The following ITPKB variants were observed in gnomAD, a reference collection of about 807,000 sequenced individuals.
ITPKB encodes IP3 3-kinase B.
ITPKB carries 13 observed loss-of-function variants against 69.4 expected under a neutral mutation model. The observed-to-expected ratio is 0.19, with a 90% CI of 0.12 to 0.30. ITPKB has a LOEUF of 0.30. Ranked by LOEUF, ITPKB falls within the 10% of genes least tolerant of loss-of-function variation. ITPKB has a pLI of 1.00. For synonymous variants in ITPKB, 584 were observed against 513.7 expected, an observed-to-expected ratio of 1.14 and a Z score of -1.85; for missense variants, 1,240 against 1,250.5, an observed-to-expected ratio of 0.99 and a Z score of 0.13.
chr1:226,713,506 C>T (rs879191644), intron 2 of ITPKB, among the ~76,000 whole-genome samples: 3 of 152,236 alleles, frequency 2.0e-5, no homozygotes, highest in East Asian at 1.9e-4. Context: ...AGATCCACTA[C>T]GGCCAGGCAC....
intron 2 of ITPKB, among the ~76,000 whole-genome samples, chr1:226,700,879 C>T (rs1441375189): frequency 1.3e-5 from 2 of 152,210 alleles, no homozygotes; most frequent in African/African-American, 4.8e-5. Flanking sequence ...AAATTCACCA[C>T]CTTGTCAAGG....
chr1:226,640,337 A>G (rs1288934), intron 5 of ITPKB, among the ~76,000 whole-genome samples: 53,911 of 152,038 alleles, frequency 0.35, 11,147 homozygotes, highest in African/African-American at 0.58. Flanking sequence ...GGAATGCTCC[A>G]CCAGGAGTCC....
chr1:226,732,970 C>T (rs1657636364), intron 2 of ITPKB, among the ~76,000 whole-genome samples: 1 of 152,194 alleles, frequency 6.6e-6, no homozygotes, highest in African/African-American at 2.4e-5. Flanking sequence ...GAAAGCGCCA[C>T]AGGAGGCCCG....
At chr1:226,723,828 G>A (rs757377578) in intron 2 of ITPKB, among the ~76,000 whole-genome samples, 5 of 152,016 alleles carry the variant, frequency 3.3e-5, no homozygotes, top group Non-Finnish European at 7.4e-5. Context: ...CTGAATACAG[G>A]GGATTGTTTT....
intron 2 of ITPKB, among the ~76,000 whole-genome samples, chr1:226,677,626 C>G (rs980735582): frequency 3.3e-5 from 5 of 152,224 alleles, no homozygotes; most frequent in Non-Finnish European, 5.9e-5. Flanking sequence ...CTGCCGGATA[C>G]CACTGGACTC....
chr1:226,696,633 G>C lies in ITPKB; in HGVS notation c.1932+38894C>G, dbSNP rs538743304. ...GGGTCCCCTTGGAGACCAAGCAACC[G>C]CTAAGATGGCTGGCTTTCTCCATAG... is the stretch of plus-strand genomic sequence containing the variant. On this transcript the variant is annotated intron_variant, in intron 2 of 7. Transcript: ENST00000429204. Among the ~76,000 whole-genome samples the C allele has an allele frequency of 3.3e-5, 5 of 152,158 alleles. No individual in the cohort carries two copies. The East Asian group carries it at 9.6e-4, about 29-fold the overall frequency.
At chr1:226,708,589 A>ATTTCCTG (rs943781493) in intron 2 of ITPKB, among the ~76,000 whole-genome samples, 3 of 152,196 alleles carry the variant, frequency 2.0e-5, no homozygotes, top group Non-Finnish European at 4.4e-5. Flanking sequence ...GGATATTATC[A>ATTTCCTG]TTTCCACACA....
At chr1:226,700,880 C>T (rs1656620877) in intron 2 of ITPKB, among the ~76,000 whole-genome samples, 1 of 152,220 alleles carries the variant, frequency 6.6e-6, no homozygotes, top group Non-Finnish European at 1.5e-5. Context: ...AATTCACCAC[C>T]TTGTCAAGGC....
intron 2 of ITPKB, among the ~76,000 whole-genome samples, chr1:226,684,054 T>C (rs1392931931): frequency 1.3e-5 from 2 of 152,058 alleles, no homozygotes; most frequent in African/African-American, 4.8e-5. Context: ...AAATTTCCAA[T>C]CCAAAGAGTA....
chr1:226,715,354 C>T lies in ITPKB; in HGVS notation c.1932+20173G>A, dbSNP rs147842327. Among the ~76,000 whole-genome samples, 83 of 152,298 alleles carry T rather than the reference C, an allele frequency of 5.4e-4. No homozygotes were observed. In the South Asian group the frequency reaches 7.3e-3, roughly 13 times the overall value. On this transcript the variant is annotated intron_variant, in intron 2 of 7. Transcript: ENST00000429204. ...TTGCACCAAAAAGACAAGGCCTGTG[C>T]GTGCATTCTCTTTAGCAAAACCTCT...
intron 2 of ITPKB, among the ~76,000 whole-genome samples, chr1:226,692,899 A>G (rs1365237942): frequency 6.6e-6 from 1 of 152,210 alleles, no homozygotes; most frequent in Non-Finnish European, 1.5e-5. Context: ...TTTCCTGACA[A>G]GAGCCAACAA....
chr1:226,730,733 G>C (rs952971451), intron 2 of ITPKB, among the ~76,000 whole-genome samples: 2 of 151,814 alleles, frequency 1.3e-5, no homozygotes, highest in African/African-American at 2.4e-5. Flanking sequence ...ATTGAGACCT[G>C]ACAAAATAAA....
chr1:226,711,047 G>A (rs1417257781), intron 2 of ITPKB, among the ~76,000 whole-genome samples: 4 of 152,166 alleles, frequency 2.6e-5, no homozygotes, highest in Non-Finnish European at 5.9e-5. Context: ...GGCCCCACAG[G>A]TAATAGTGCT....
chr1:226,719,275 CA>C (rs1290885042), intron 2 of ITPKB, among the ~76,000 whole-genome samples: 1 of 152,146 alleles, frequency 6.6e-6, no homozygotes, highest in Non-Finnish European at 1.5e-5. Flanking sequence ...CGGGACAAAA[CA>C]AAACAAAAAA....
Position 226,736,670 on chromosome 1 carries a change from G to A in ITPKB, c.789C>T (p.Ala263=), listed in dbSNP as rs759963792. ...CTGTGGGTGAGCCACAGCGGGGACT[G>A]GCAGGGATACCCTTCTCCATCCTTA... ...AFVRMEKGIP[A]SPRCGSPTAM... Residue 263 remains alanine, a synonymous_variant, in exon 2 of 8, where the codon GCC becomes GCT. Transcript: ENST00000429204. 5 of 1,613,284 alleles carry A rather than the reference G, an allele frequency of 3.1e-6. No individual in the cohort carries two copies. Among genetic ancestry groups the A allele is most frequent in the Middle Eastern group, 1.7e-4 (1 of 6,060 alleles).
rs1657785395 is a variant in ITPKB at position 226,736,741 on chromosome 1, G to T, written c.718C>A (p.Arg240=). The T allele has an allele frequency of 6.2e-7, 1 of 1,612,680 alleles. No individual in the cohort carries two copies. Among genetic ancestry groups the T allele is most frequent in the South Asian group, 1.1e-5 (1 of 91,080 alleles). ...GCCTCTGATCCTGTAGGGGCAGCCC[G>T]GCCGGGAAGAGGTGGCATTCCTTTC... ...VKKGMPPLPG[R]AAPTGSEAQG... The change falls in exon 2 of 8, where the codon CGG becomes AGG. Residue 240 remains arginine, a synonymous_variant. Coordinates refer to ENST00000429204, the MANE Select transcript of ITPKB (RefSeq NM_002221.4).
intron 2 of ITPKB, among the ~76,000 whole-genome samples, chr1:226,711,676 C>T (rs986826110): frequency 6.6e-6 from 1 of 152,170 alleles, no homozygotes; most frequent in African/African-American, 2.4e-5. Context: ...ATCATTTGTC[C>T]TGGCGATGAC....
At position 226,663,310 on chromosome 1, in the gene ITPKB, A is replaced by G. The variant is rs1221320632; in HGVS notation, c.1933-14539T>C. 5.3e-5 allele frequency among the ~76,000 whole-genome samples: 8 copies of G among 152,024 alleles called. No homozygotes were observed. In the East Asian group the frequency reaches 1.5e-3, roughly 29 times the overall value. On this transcript the variant is annotated intron_variant, in intron 2 of 7. Transcript: ENST00000429204. ...CACCAGTCTCGCCTCCTATTACCAG[A>G]GCAGCAAACAGAGGCAAAGGTGCGC... is the stretch of plus-strand genomic sequence containing the variant.
chr1:226,710,616 C>A (rs1656923868), intron 2 of ITPKB, among the ~76,000 whole-genome samples: 1 of 152,230 alleles, frequency 6.6e-6, no homozygotes, highest in African/African-American at 2.4e-5. Flanking sequence ...CCTCTTCCCA[C>A]ACACCTGCCT....
Sources: gnomAD v4.1 joint callset for allele counts (sites outside exome capture counted in the v4.1 genomes callset) on GRCh38, gnomAD v4.1.1 for gene constraint, MANE v1.5 for transcripts, NCBI Gene and HGNC (gene_info 2026-07-23, HGNC 2026-07-21) for gene names.